The following TFPI variants were observed in gnomAD, a reference collection of about 807,000 sequenced individuals.
The protein encoded by TFPI is anti-convertin.
In TFPI, 15 loss-of-function variants were observed where a neutral mutation model predicts 34.6. That is an observed-to-expected ratio of 0.43 (90% confidence interval 0.29 to 0.67). TFPI has a LOEUF of 0.67. TFPI is among the 30% of genes least tolerant of loss of function. The pLI, the probability that TFPI is intolerant of heterozygous loss-of-function variation, is 0.15. For missense variants in TFPI, 301 were observed against 364.0 expected, an observed-to-expected ratio of 0.83 and a Z score of 1.41; for synonymous variants, 105 against 120.1, an observed-to-expected ratio of 0.87 and a Z score of 0.82.
At position 187,464,581 on chromosome 2, in the gene TFPI, G is replaced by T. The variant is rs1193775542; in HGVS notation, c.*2355C>A. 1 of 152,092 alleles carries T rather than the reference G, an allele frequency of 6.6e-6. No homozygotes were observed. The highest frequency in any genetic ancestry group is 1.5e-5 in the Non-Finnish European group (1 of 68,018). The allele number at this position is 152,092 out of a possible 1,614,324, so 9.4% of individuals were successfully genotyped here. On this transcript the variant is annotated 3_prime_UTR_variant, in exon 8 of 8. Coordinates refer to ENST00000233156, the MANE Select transcript of TFPI (RefSeq NM_006287.6). ...AAACAATTAGGCAACTCATCAATGC[G>T]CTATTTATACAATCTTAGTGACTAT...
chr2:187,468,761 T>A (rs1038732018), intron 6 of TFPI, among the ~76,000 whole-genome samples: 3 of 152,090 alleles, frequency 2.0e-5, no homozygotes, highest in Non-Finnish European at 4.4e-5. Context: ...CTCTGGGAAT[T>A]ACTGTCAGTG....
At chr2:187,529,488 G>A (rs1687849645) in intron 1 of TFPI, 1 of 152,164 alleles carries the variant, frequency 6.6e-6, no homozygotes, top group Non-Finnish European at 1.5e-5. Context: ...TTCCTGTCCT[G>A]TGTGCACATG....
At chr2:187,532,685 T>C (rs1469646029) in intron 1 of TFPI, among the ~76,000 whole-genome samples, 1 of 148,352 alleles carries the variant, frequency 6.7e-6, no homozygotes, top group African/African-American at 2.5e-5. Flanking sequence ...GCTGCGGGAG[T>C]TTTTTTTTTC....
intron 2 of TFPI, among the ~76,000 whole-genome samples, chr2:187,499,855 C>G (rs1392511131): frequency 6.6e-6 from 1 of 152,038 alleles, no homozygotes; most frequent in Non-Finnish European, 1.5e-5. Context: ...ACTTTAGAGA[C>G]AAGTTATTGA....
intron 2 of TFPI, among the ~76,000 whole-genome samples, chr2:187,499,819 C>A (rs964502965): frequency 6.6e-6 from 1 of 152,056 alleles, no homozygotes; most frequent in African/African-American, 2.4e-5. Flanking sequence ...TGATGTTATT[C>A]ATTCCCAAGT....
At chr2:187,487,085 A>G (rs866797154) in intron 4 of TFPI, among the ~76,000 whole-genome samples, 29 of 151,718 alleles carry the variant, frequency 1.9e-4, no homozygotes, top group Middle Eastern at 3.4e-3. Flanking sequence ...ACTTTATAGC[A>G]TAATTTTACC....
intron 3 of TFPI, among the ~76,000 whole-genome samples, chr2:187,493,472 T>A (rs1275983746): frequency 6.6e-6 from 1 of 152,200 alleles, no homozygotes; most frequent in African/African-American, 2.4e-5. Flanking sequence ...TTTCCCCATT[T>A]TCCTGGTGAT....
At position 187,489,940 on chromosome 2, in the gene TFPI, G is replaced by A. The variant is rs540922655; in HGVS notation, c.320-1565C>T. On this transcript the variant is annotated intron_variant, in intron 3 of 7. Transcript: ENST00000233156. ...AAGTTTTCTTAGATTTAGACAGGAC[G>A]AAGCATTTATCAATGCTTTTTAAGG... is the stretch of plus-strand genomic sequence containing the variant. 5.3e-5 allele frequency among the ~76,000 whole-genome samples: 8 copies of A among 151,654 alleles called. No homozygotes were observed. In the South Asian group the frequency reaches 1.7e-3, roughly 31 times the overall value.
chr2:187,534,788 T>A (rs1688151616), intron 1 of TFPI, among the ~76,000 whole-genome samples: 1 of 150,122 alleles, frequency 6.7e-6, no homozygotes, highest in African/African-American at 2.5e-5. Context: ...TTAGATAGAG[T>A]CAAAACCCAT....
Position 187,466,032 on chromosome 2 carries a change from A to C in TFPI, c.*904T>G, listed in dbSNP as rs1247364485. The C allele has an allele frequency of 6.6e-6, 1 of 152,206 alleles. No homozygotes were observed. Among genetic ancestry groups the C allele is most frequent in the South Asian group, 2.1e-4 (1 of 4,830 alleles). The allele number at this position is 152,206 out of a possible 1,614,324, so 9.4% of individuals were successfully genotyped here. A position where few individuals can be genotyped will look rare whatever the true frequency, so the allele number is the denominator to read the frequency against. On this transcript the variant is annotated 3_prime_UTR_variant, in exon 8 of 8. Transcript: ENST00000233156. The stretch of plus-strand genomic sequence containing the variant: ...ATTTTCTCTTCAACAGAAATAACCT[A>C]CTTTTTAAAGCATGAATTATTAGTT...
chr2:187,478,544 A>G, intron 6 of TFPI: 1 of 1,259,522 alleles, frequency 7.9e-7, no homozygotes, highest in Non-Finnish European at 1.0e-6. Context: ...TGCTAGTTAG[A>G]CATTTACAAG....
At chr2:187,514,476 T>A (rs1227671883) in intron 1 of TFPI, 1 of 152,280 alleles carries the variant, frequency 6.6e-6, no homozygotes, top group Non-Finnish European at 1.5e-5. Flanking sequence ...CCATCCCGCT[T>A]CCGTCTTCCA....
In TFPI at chr2:187,503,612, A is replaced by G. The variant is rs200339588; in HGVS notation, c.121+36T>C. 4 of 1,600,274 alleles carry G rather than the reference A, an allele frequency of 2.5e-6. No homozygotes were observed. The Middle Eastern group carries it at 5.0e-4, about 201-fold the overall frequency. On this transcript the variant is annotated intron_variant, in intron 2 of 7. Transcript: ENST00000233156. ...TTTTAGATTAAAATTGAGAGCTTTAACTAGCTTAAAAAGATAATTGCTTCT... is the reference window on the plus strand; with the variant it reads ...TTTTAGATTAAAATTGAGAGCTTTAGCTAGCTTAAAAAGATAATTGCTTCT...
chr2:187,542,155 G>A (rs980442346), intron 1 of TFPI, among the ~76,000 whole-genome samples: 2 of 152,116 alleles, frequency 1.3e-5, no homozygotes, highest in Non-Finnish European at 2.9e-5. Context: ...GTTGTATATG[G>A]TTAAAAAGGG....
At position 187,504,454 on chromosome 2, in the gene TFPI, A is replaced by T. The variant is rs138235383; in HGVS notation, c.-2-684T>A. On this transcript the variant is annotated intron_variant, in intron 1 of 7. Coordinates refer to ENST00000233156, the MANE Select transcript of TFPI (RefSeq NM_006287.6). Reference sequence around the variant, plus strand: ...ATCTGATTCAAAAAGTTTCACAGAAAAGTGACTCTAAGTGATAAGCCATCA... The same window carrying T: ...ATCTGATTCAAAAAGTTTCACAGAATAGTGACTCTAAGTGATAAGCCATCA... Among the ~76,000 whole-genome samples, 1,132 of 151,018 alleles carry T rather than the reference A, an allele frequency of 7.5e-3. 7 individuals carry two copies. Among genetic ancestry groups the T allele is most frequent in the African/African-American group, 9.7e-3 (394 of 40,484 alleles).
intron 1 of TFPI, among the ~76,000 whole-genome samples, chr2:187,523,597 A>G (rs1687526978): frequency 6.6e-6 from 1 of 152,070 alleles, no homozygotes; most frequent in African/African-American, 2.4e-5. Flanking sequence ...TTTAAATTGT[A>G]TAAATTAAGG....
rs1427830041 is a variant in TFPI at position 187,490,749 on chromosome 2, AT to A, written c.320-2375del. 4.6e-5 allele frequency among the ~76,000 whole-genome samples: 7 copies of A among 151,784 alleles called. No homozygotes were observed. In the East Asian group the frequency reaches 1.4e-3, roughly 29 times the overall value. On this transcript the variant is annotated intron_variant, in intron 3 of 7. Coordinates refer to ENST00000233156, the MANE Select transcript of TFPI (RefSeq NM_006287.6). ...TAATTATCATTAAAGTTGAGTATAAATATCACTAGCAATTTGATTTCTGTTT... is the reference window on the plus strand; with the variant it reads ...TAATTATCATTAAAGTTGAGTATAAAATCACTAGCAATTTGATTTCTGTTT...
intron 1 of TFPI, among the ~76,000 whole-genome samples, chr2:187,549,604 A>G (rs1689021627): frequency 6.6e-6 from 1 of 152,122 alleles, no homozygotes; most frequent in East Asian, 1.9e-4. Flanking sequence ...CTTACATAAG[A>G]TGAAATAACT....
chr2:187,514,400 T>A (rs1173241846), intron 1 of TFPI: 1 of 152,242 alleles, frequency 6.6e-6, no homozygotes, highest in Non-Finnish European at 1.5e-5. Context: ...CCTGGAGTAT[T>A]AAGTCATGCC....
Sources: gnomAD v4.1 joint callset for allele counts (sites outside exome capture counted in the v4.1 genomes callset) on GRCh38, gnomAD v4.1.1 for gene constraint, MANE v1.5 for transcripts, NCBI Gene and HGNC (gene_info 2026-07-23, HGNC 2026-07-21) for gene names.